RXRG: variants seen among roughly 807,000 people sequenced by gnomAD.
The protein encoded by RXRG is retinoid X receptor gamma.
RXRG carries 19 observed loss-of-function variants against 49.2 expected under a neutral mutation model. That is an observed-to-expected ratio of 0.39 (90% confidence interval 0.27 to 0.57). The LOEUF is 0.57. RXRG is among the 20% of genes least tolerant of loss of function. The pLI is 0.64. For synonymous variants in RXRG, 224 were observed against 216.6 expected (o/e 1.03, Z -0.30); for missense variants, 452 against 592.5 (o/e 0.76, Z 2.46).
At chr1:165,408,134 G>A in intron 8 of RXRG, 93 bp downstream of exon 8, 2 of 940,348 alleles carry the variant, frequency 2.1e-6, no homozygotes, top group Non-Finnish European at 3.5e-6. Flanking sequence ...CTGTGTCTCA[G>A]CTGAGATGGA....
Position 165,417,093 on chromosome 1 carries a change from G to A in RXRG, c.570C>T (p.Arg190=), listed in dbSNP as rs1328173941. 1.9e-6 allele frequency: 3 copies of A among 1,614,164 alleles called. No homozygotes were observed. The highest frequency in any genetic ancestry group is 2.2e-5 in the East Asian group (1 of 44,886). The change falls in exon 4 of 10, where the codon CGC becomes CGT. Residue 190 remains arginine (R), a synonymous_variant. Coordinates refer to ENST00000359842, the MANE Select transcript of RXRG (RefSeq NM_006917.5). ...DCLIDKRQRN[R]CQYCRYQKCL... is the part of the protein sequence containing the mutation. ...ACTTCTGATAGCGACAGTACTGGCA[G>A]CGGTTGCGCTGACGCTTGTCAATGA...
In RXRG at chr1:165,409,644, G is replaced by A. The variant is rs769620178; in HGVS notation, c.960C>T (p.Ser320=). The change falls in exon 7 of 10, where the codon TCC becomes TCT. Residue 320 remains serine, a synonymous_variant. Coordinates refer to ENST00000359842, the MANE Select transcript of RXRG (RefSeq NM_006917.5). The part of the protein sequence containing the change: ...LIASFSHRSV[S]VQDGILLATG... ...TGGCCAGAAGGATGCCATCCTGCAC[G>A]GAAACTGAGCGGTGGGAGAAAGAGG... 17 of 1,572,874 alleles carry A rather than the reference G, an allele frequency of 1.1e-5. No homozygotes were observed. Among genetic ancestry groups the A allele is most frequent in the East Asian group, 4.8e-5 (2 of 41,944 alleles).
At chr1:165,432,455 A>G (rs1658698963) in intron 1 of RXRG, among the ~76,000 whole-genome samples, 1 of 152,224 alleles carries the variant, frequency 6.6e-6, no homozygotes, top group Non-Finnish European at 1.5e-5. Context: ...CTTTGCTTTT[A>G]GACAAGTTAG....
chr1:165,409,725 A>G (rs1657881548), intron 6 of RXRG, 35 bp from the exon 7 acceptor site: 1 of 1,432,212 alleles, frequency 7.0e-7, no homozygotes, highest in South Asian at 1.7e-5. Context: ...GAGGGAAAAC[A>G]GAACACATTC....
intron 8 of RXRG, 91 bp downstream of exon 8, chr1:165,408,136 T>A: frequency 3.1e-6 from 3 of 954,434 alleles, no homozygotes; most frequent in Non-Finnish European, 5.1e-6. Context: ...GTGTCTCAGC[T>A]GAGATGGAGG....
chr1:165,405,581 C>T (rs1019212994), intron 9 of RXRG, among the ~76,000 whole-genome samples: 2 of 152,242 alleles, frequency 1.3e-5, no homozygotes, highest in Non-Finnish European at 2.9e-5. Flanking sequence ...CCTCTTCCCC[C>T]TTCCATCATC....
chr1:165,439,823 A>G (rs1245472357), intron 1 of RXRG, among the ~76,000 whole-genome samples: 1 of 152,212 alleles, frequency 6.6e-6, no homozygotes, highest in Non-Finnish European at 1.5e-5. Flanking sequence ...TTCCCATTCC[A>G]TCTCAGGGTG....
chr1:165,413,100 G>A (rs756129569), intron 4 of RXRG, among the ~76,000 whole-genome samples: 1 of 152,162 alleles, frequency 6.6e-6, no homozygotes, highest in Non-Finnish European at 1.5e-5. Context: ...TTTTGTATGA[G>A]CAAACCCTTT....
At chr1:165,440,279 C>T (rs535267026) in intron 1 of RXRG, among the ~76,000 whole-genome samples, 26 of 152,266 alleles carry the variant, frequency 1.7e-4, no homozygotes, top group African/African-American at 5.5e-4. Context: ...TCTCTGTCCC[C>T]CAGTTTTTAC....
intron 2 of RXRG, among the ~76,000 whole-genome samples, chr1:165,425,974 G>A (rs555214851): frequency 2.7e-4 from 41 of 152,252 alleles, no homozygotes; most frequent in Non-Finnish European, 5.6e-4. Flanking sequence ...GCAGGGTTGT[G>A]AACACAGGGC....
rs1181504898 is a variant in RXRG at position 165,434,458 on chromosome 1, G to A, written c.50-5492C>T. Among the ~76,000 whole-genome samples the A allele has an allele frequency of 2.0e-5, 3 of 152,240 alleles. No individual in the cohort carries two copies. In the East Asian group the frequency reaches 5.8e-4, roughly 29 times the overall value. On this transcript the variant is annotated intron_variant, in intron 1 of 9. Coordinates refer to ENST00000359842, the MANE Select transcript of RXRG (RefSeq NM_006917.5). ...AGCATGCAGTTTTTCTGACTGGCCA[G>A]ACAAGGGAGCAAATGGCCTGGTGTT...
chr1:165,428,607 C>G (rs1398477172), intron 2 of RXRG, 112 bp downstream of exon 2: 24 of 1,298,990 alleles, frequency 1.8e-5, no homozygotes, highest in Admixed American at 6.8e-5. Context: ...CCATTCAAAC[C>G]CTTTGGCAAG....
chr1:165,428,511 G>C (rs191193922), intron 2 of RXRG, among the ~76,000 whole-genome samples: 31 of 152,328 alleles, frequency 2.0e-4, no homozygotes, highest in Non-Finnish European at 2.5e-4. Flanking sequence ...CAGTCTCCTG[G>C]ACCATGAGGA....
intron 2 of RXRG, among the ~76,000 whole-genome samples, chr1:165,424,027 A>G (rs1658404841): frequency 6.6e-6 from 1 of 152,256 alleles, no homozygotes; most frequent in Non-Finnish European, 1.5e-5. Context: ...AGAAAAAGAC[A>G]GGAGTATTGC....
At chr1:165,435,171 C>A (rs181565822) in intron 1 of RXRG, among the ~76,000 whole-genome samples, 1 of 152,264 alleles carries the variant, frequency 6.6e-6, no homozygotes, top group African/African-American at 2.4e-5. Flanking sequence ...ATAATGTAAA[C>A]ATCACAAAAT....
chr1:165,437,313 G>A, intron 1 of RXRG: 1 of 992,614 alleles, frequency 1.0e-6, no homozygotes, highest in Non-Finnish European at 1.4e-6. Flanking sequence ...CCCTGCCCTG[G>A]CAGAATGTAC....
chr1:165,420,109 T>C, intron 2 of RXRG, 95 bp from the exon 3 acceptor site: 1 of 1,013,376 alleles, frequency 9.9e-7, no homozygotes, highest in Non-Finnish European at 1.3e-6. Context: ...AAAAACAAGT[T>C]CTATTTCAAG....
chr1:165,430,678 C>T (rs1658646771), intron 1 of RXRG, among the ~76,000 whole-genome samples: 1 of 152,234 alleles, frequency 6.6e-6, no homozygotes, highest in Non-Finnish European at 1.5e-5. Flanking sequence ...GCTGTGGGCC[C>T]ACAGGGGCAT....
chr1:165,403,805 G>A (rs1474249144), intron 9 of RXRG, among the ~76,000 whole-genome samples: 2 of 152,120 alleles, frequency 1.3e-5, no homozygotes, highest in African/African-American at 2.4e-5. Flanking sequence ...TCTAAAATTC[G>A]AAGTATGCCA....
Sources: allele counts gnomAD v4.1 joint callset (sites outside exome capture counted in the v4.1 genomes callset), GRCh38; gene constraint gnomAD v4.1.1; transcripts MANE v1.5; gene names NCBI Gene and HGNC (gene_info 2026-07-23, HGNC 2026-07-21).